The following CNTNAP5 variants were observed in gnomAD, a reference collection of about 807,000 sequenced individuals.
CNTNAP5 encodes contactin associated protein family member 5.
In CNTNAP5, 72 loss-of-function variants were observed where a neutral mutation model predicts 150.2. The observed-to-expected ratio is 0.48, with a 90% CI of 0.40 to 0.58. The LOEUF (loss-of-function observed/expected upper bound fraction) is 0.58, where lower values mean the gene tolerates loss of function less well. CNTNAP5 is among the 20% of genes least tolerant of loss of function. The pLI, the probability that CNTNAP5 is intolerant of heterozygous loss-of-function variation, is 0.00. For missense variants in CNTNAP5, 1,636 were observed against 1,626.2 expected, an observed-to-expected ratio of 1.01 and a Z score of -0.10; for synonymous variants, 672 against 619.8, an observed-to-expected ratio of 1.08 and a Z score of -1.25.
chr2:124,486,974 TA>T (rs1187800142), intron 7 of CNTNAP5, among the ~76,000 whole-genome samples: 2 of 152,210 alleles, frequency 1.3e-5, no homozygotes, highest in Non-Finnish European at 2.9e-5. Flanking sequence ...ATATTTAACC[TA>T]AAAATTGTTT....
chr2:124,606,867 T>C (rs1055286483), intron 11 of CNTNAP5, among the ~76,000 whole-genome samples: 1 of 152,110 alleles, frequency 6.6e-6, no homozygotes, highest in African/African-American at 2.4e-5. Context: ...CACATGGGAA[T>C]TGTGGGAGTT....
At chr2:124,510,273 C>CTATATATCTA (rs369953695) in intron 8 of CNTNAP5, among the ~76,000 whole-genome samples, 34 of 33,920 alleles carry the variant, frequency 1.0e-3, no homozygotes, top group Middle Eastern at 0.011. Context: ...ATCTATATAT[C>CTATATATCTA]TATATCTATA....
In CNTNAP5 at chr2:124,747,311, G is replaced by A; in HGVS notation, c.2160G>A (p.Gln720=). 6.2e-7 allele frequency: 1 copy of A among 1,613,852 alleles called. No individual in the cohort carries two copies. Among genetic ancestry groups the A allele is most frequent in the South Asian group, 1.1e-5 (1 of 91,082 alleles). The change falls in exon 14 of 24, where the codon CAG becomes CAA. Residue 720 remains glutamine (Q), a synonymous_variant. Transcript: ENST00000682447. ...YWGGSPPGVQ[Q]CECGLDESCL... The stretch of plus-strand genomic sequence containing the variant: ...GAGGTTCCCCTCCTGGGGTCCAGCA[G>A]TGTGAGTGTGGCCTAGACGAGAGCT...
intron 3 of CNTNAP5, among the ~76,000 whole-genome samples, chr2:124,360,419 T>A (rs1690165959): frequency 6.8e-6 from 1 of 147,968 alleles, no homozygotes; most frequent in Non-Finnish European, 1.5e-5. Context: ...GTCTTTACAT[T>A]TTGGCTTGAT....
At chr2:124,342,370 A>G (rs1483367179) in intron 3 of CNTNAP5, among the ~76,000 whole-genome samples, 1 of 152,144 alleles carries the variant, frequency 6.6e-6, no homozygotes, top group African/African-American at 2.4e-5. Context: ...TTCTCAAACT[A>G]TCTCCAAGTT....
At chr2:124,729,177 C>CTTT (rs1680219547) in intron 13 of CNTNAP5, among the ~76,000 whole-genome samples, 1 of 152,048 alleles carries the variant, frequency 6.6e-6, no homozygotes, top group Non-Finnish European at 1.5e-5. Flanking sequence ...AGACACAAAC[C>CTTT]TTATCTCCCA....
At chr2:124,336,645 A>G (rs1689479444) in intron 3 of CNTNAP5, among the ~76,000 whole-genome samples, 1 of 149,964 alleles carries the variant, frequency 6.7e-6, no homozygotes, top group African/African-American at 2.5e-5. Context: ...TGTCCTTGCG[A>G]TAGTTTGCTG....
At chr2:124,349,609 T>G (rs1689823765) in intron 3 of CNTNAP5, among the ~76,000 whole-genome samples, 1 of 152,206 alleles carries the variant, frequency 6.6e-6, no homozygotes, top group African/African-American at 2.4e-5. Context: ...AGACTGATTC[T>G]TTCAACATAA....
intron 13 of CNTNAP5, among the ~76,000 whole-genome samples, chr2:124,660,302 G>A (rs2105043989): frequency 6.6e-6 from 1 of 152,246 alleles, no homozygotes; most frequent in African/African-American, 2.4e-5. Context: ...GAGTTAAAAA[G>A]CATGGAGGTG....
chr2:124,588,102 C>T (rs200060855), intron 11 of CNTNAP5, among the ~76,000 whole-genome samples: 1 of 41,878 alleles, frequency 2.4e-5, no homozygotes, highest in African/African-American at 9.2e-5. Flanking sequence ...TTCTTTTCTT[C>T]CTTCCTTCCC....
chr2:124,552,344 G>A (rs373621474), intron 10 of CNTNAP5, among the ~76,000 whole-genome samples: 132 of 152,292 alleles, frequency 8.7e-4, no homozygotes, highest in African/African-American at 3.1e-3. Context: ...TACTATGACA[G>A]CTGCATCCAG....
intron 1 of CNTNAP5, among the ~76,000 whole-genome samples, chr2:124,063,269 C>T (rs1682061639): frequency 6.6e-6 from 1 of 152,016 alleles, no homozygotes; most frequent in African/African-American, 2.4e-5. Context: ...GTTAGAAAAT[C>T]ATGTTTTAAT....
intron 19 of CNTNAP5, among the ~76,000 whole-genome samples, chr2:124,825,049 A>G (rs1682563893): frequency 6.6e-6 from 1 of 152,202 alleles, no homozygotes; most frequent in Non-Finnish European, 1.5e-5. Flanking sequence ...TATTGTAAAA[A>G]TAAGAGAATG....
chr2:124,775,006 AGCTGTGGCAAGAGCACCT>A (rs1355015353), intron 17 of CNTNAP5, among the ~76,000 whole-genome samples: 1 of 152,202 alleles, frequency 6.6e-6, no homozygotes, highest in African/African-American at 2.4e-5. Context: ...AGCCAAGGTC[AGCTGTGGCAAGAGCACCT>A]GCTTCTGCTA....
chr2:124,258,843 T>C (rs1357893826), intron 3 of CNTNAP5, among the ~76,000 whole-genome samples: 1 of 151,248 alleles, frequency 6.6e-6, no homozygotes, highest in African/African-American at 2.4e-5. Context: ...TTTAAAAGCA[T>C]GTATTAATAT....
intron 14 of CNTNAP5, among the ~76,000 whole-genome samples, chr2:124,762,546 G>A (rs2104599015): frequency 6.6e-6 from 1 of 152,192 alleles, no homozygotes; most frequent in East Asian, 1.9e-4. Flanking sequence ...CAGGCACCAT[G>A]CTAAGTGACT....
intron 1 of CNTNAP5, among the ~76,000 whole-genome samples, chr2:124,076,688 GT>G (rs1682445905): frequency 6.6e-6 from 1 of 152,026 alleles, no homozygotes; most frequent in Non-Finnish European, 1.5e-5. Flanking sequence ...CATTAACCCT[GT>G]TTTGGAAAGG....
At chr2:124,545,860 G>A (rs956927490) in intron 10 of CNTNAP5, among the ~76,000 whole-genome samples, 2 of 152,180 alleles carry the variant, frequency 1.3e-5, no homozygotes, top group African/African-American at 4.8e-5. Context: ...GGCAGGCTGA[G>A]GTGGCAGGAT....
At chr2:124,588,098 T>C (rs1696582660) in intron 11 of CNTNAP5, among the ~76,000 whole-genome samples, 1 of 141,090 alleles carries the variant, frequency 7.1e-6, no homozygotes, top group African/African-American at 2.8e-5. Flanking sequence ...TTCTTTCTTT[T>C]CTTCCTTCCT....
Sources: gnomAD v4.1 joint callset for allele counts (sites outside exome capture counted in the v4.1 genomes callset) on GRCh38, gnomAD v4.1.1 for gene constraint, MANE v1.5 for transcripts, NCBI Gene and HGNC (gene_info 2026-07-23, HGNC 2026-07-21) for gene names.